CSMD1: variants seen among roughly 807,000 people sequenced by gnomAD.
The protein encoded by CSMD1 is CUB and Sushi multiple domains 1, also known as CUB and sushi domain-containing protein 1.
Under a neutral mutation model 417.5 loss-of-function variants are expected in CSMD1, and 213 were observed. The observed-to-expected ratio is 0.51, with a 90% CI of 0.46 to 0.57. The LOEUF (loss-of-function observed/expected upper bound fraction) is 0.57, where lower values mean the gene tolerates loss of function less well. Among genes scored for constraint, CSMD1 ranks in the 20% least tolerant of loss-of-function variants. The pLI is 0.00. For synonymous variants in CSMD1, 2,862 were observed against 1,736.8 expected, an observed-to-expected ratio of 1.65 and a Z score of -16.11; for missense variants, 6,923 against 4,529.7, an observed-to-expected ratio of 1.53 and a Z score of -15.17.
At chr8:3,638,199 G>T (rs141568644) in intron 7 of CSMD1, among the ~76,000 whole-genome samples, 1 of 152,106 alleles carries the variant, frequency 6.6e-6, no homozygotes, top group Non-Finnish European at 1.5e-5. Context: ...AGTTCAGCAA[G>T]TCTTGGAGTT....
chr8:4,527,740 C>G (rs1796591952), intron 2 of CSMD1, among the ~76,000 whole-genome samples: 1 of 152,176 alleles, frequency 6.6e-6, no homozygotes, highest in African/African-American at 2.4e-5. Context: ...GCATCATATA[C>G]ATGACTTTAG....
At chr8:4,306,999 CT>C (rs1411551554) in intron 3 of CSMD1, among the ~76,000 whole-genome samples, 3 of 152,286 alleles carry the variant, frequency 2.0e-5, no homozygotes, top group African/African-American at 7.2e-5. Context: ...TGTCACCGCC[CT>C]GGTTCAGCCC....
chr8:4,446,549 C>G (rs186241572), intron 2 of CSMD1, among the ~76,000 whole-genome samples: 2 of 152,012 alleles, frequency 1.3e-5, no homozygotes, highest in African/African-American at 4.8e-5. Flanking sequence ...CCCGGTTCTG[C>G]TTTGTTTTGT....
chr8:3,501,245 C>A (rs928237359), intron 10 of CSMD1, among the ~76,000 whole-genome samples: 1 of 152,098 alleles, frequency 6.6e-6, no homozygotes, highest in South Asian at 2.1e-4. Flanking sequence ...TACACACATG[C>A]TCACACACAC....
chr8:3,630,364 C>T (rs758746451), intron 7 of CSMD1, among the ~76,000 whole-genome samples: 2 of 152,140 alleles, frequency 1.3e-5, no homozygotes, highest in African/African-American at 4.8e-5. Context: ...ACAGCAGAAG[C>T]CAAGCCCTCA....
Position 4,798,433 on chromosome 8 carries a change from T to A in CSMD1, c.86-160875A>T, listed in dbSNP as rs537641294. Among the ~76,000 whole-genome samples, 3 of 152,328 alleles carry A rather than the reference T, an allele frequency of 2.0e-5. No individual in the cohort carries two copies. In the South Asian group the frequency reaches 6.2e-4, roughly 32 times the overall value. On this transcript the variant is annotated intron_variant, in intron 1 of 69. Coordinates refer to ENST00000635120, the MANE Select transcript of CSMD1 (RefSeq NM_033225.6). The stretch of plus-strand genomic sequence containing the variant: ...CTAATTTTTAAGGGAGATATTTTAT[T>A]TTTAAAAAGGAGATGAGATTTTGCA...
chr8:4,628,115 G>C (rs963281838), intron 2 of CSMD1, among the ~76,000 whole-genome samples: 2 of 123,024 alleles, frequency 1.6e-5, no homozygotes, highest in Admixed American at 2.0e-4. Context: ...ATATACTTCT[G>C]TGTGTGTGTA....
At chr8:3,905,088 C>G (rs547953182) in intron 5 of CSMD1, among the ~76,000 whole-genome samples, 2 of 152,080 alleles carry the variant, frequency 1.3e-5, no homozygotes, top group South Asian at 4.1e-4. Context: ...ATCCAAATGT[C>G]TGTAGGGAAA....
At chr8:4,868,631 T>G (rs1472487504) in intron 1 of CSMD1, among the ~76,000 whole-genome samples, 4 of 152,142 alleles carry the variant, frequency 2.6e-5, no homozygotes, top group Non-Finnish European at 5.9e-5. Context: ...AATCATCTAC[T>G]TAATTCTGAA....
At chr8:3,614,349 G>GC (rs901551038) in intron 8 of CSMD1, among the ~76,000 whole-genome samples, 14 of 150,642 alleles carry the variant, frequency 9.3e-5, no homozygotes, top group Non-Finnish European at 1.8e-4. Flanking sequence ...TCCCTACACC[G>GC]CCCCCCGAGC....
chr8:3,461,650 C>A (rs184241860), intron 12 of CSMD1, among the ~76,000 whole-genome samples: 6 of 152,314 alleles, frequency 3.9e-5, no homozygotes, highest in African/African-American at 9.6e-5. Context: ...TCTTCCAGAT[C>A]CTCATGCCCA....
intron 5 of CSMD1, among the ~76,000 whole-genome samples, chr8:3,830,896 A>C (rs1802338209): frequency 1.3e-5 from 2 of 152,130 alleles, no homozygotes; most frequent in Admixed American, 1.3e-4. Flanking sequence ...TACGTTAATA[A>C]AATCTATATT....
intron 50 of CSMD1, among the ~76,000 whole-genome samples, chr8:3,032,056 A>T (rs1476675982): frequency 6.6e-6 from 1 of 151,620 alleles, no homozygotes; most frequent in Admixed American, 6.6e-5. Flanking sequence ...CATTGCCACA[A>T]CAAAAGAAAG....
chr8:4,071,384 C>T (rs989472315), intron 3 of CSMD1, among the ~76,000 whole-genome samples: 9 of 145,750 alleles, frequency 6.2e-5, no homozygotes, highest in African/African-American at 2.3e-4. Flanking sequence ...TAAGCCTTTC[C>T]AAGTAAACCT....
At chr8:3,349,618 T>C (rs574544227) in intron 21 of CSMD1, among the ~76,000 whole-genome samples, 27 of 151,576 alleles carry the variant, frequency 1.8e-4, no homozygotes, top group Non-Finnish European at 5.9e-5. Context: ...TTTTAAGAAA[T>C]TACAGTAATT....
At chr8:4,604,996 G>A (rs1490445537) in intron 2 of CSMD1, among the ~76,000 whole-genome samples, 1 of 152,152 alleles carries the variant, frequency 6.6e-6, no homozygotes, top group South Asian at 2.1e-4. Context: ...TTCCTGTGGT[G>A]CTGTCCAGAA....
At chr8:3,780,782 A>G (rs1461934028) in intron 5 of CSMD1, among the ~76,000 whole-genome samples, 1 of 152,194 alleles carries the variant, frequency 6.6e-6, no homozygotes, top group African/African-American at 2.4e-5. Flanking sequence ...AGATTCATCT[A>G]AAAGAAAGTA....
chr8:4,773,237 G>C (rs1284002945), intron 1 of CSMD1, among the ~76,000 whole-genome samples: 1 of 152,058 alleles, frequency 6.6e-6, no homozygotes, highest in Non-Finnish European at 1.5e-5. Flanking sequence ...TTCAGACTTT[G>C]GGGTATTTCA....
chr8:4,366,740 G>C lies in CSMD1; in HGVS notation c.415+53213C>G, dbSNP rs549081552. 6.6e-5 allele frequency among the ~76,000 whole-genome samples: 10 copies of C among 151,748 alleles called. No homozygotes were observed. In the East Asian group the frequency reaches 1.9e-3, roughly 29 times the overall value. ...ATTATTATTAGACTTTAAGTTTTAG[G>C]GTACATGTGAACAACGTGCACGTTA... is the stretch of plus-strand genomic sequence containing the variant. On this transcript the variant is annotated intron_variant, in intron 3 of 69. Transcript: ENST00000635120.
Sources: allele counts gnomAD v4.1 joint callset (sites outside exome capture counted in the v4.1 genomes callset), GRCh38; gene constraint gnomAD v4.1.1; transcripts MANE v1.5; gene names NCBI Gene and HGNC (gene_info 2026-07-23, HGNC 2026-07-21).